CNTN5: variants seen among roughly 807,000 people sequenced by gnomAD.
CNTN5 encodes the protein contactin-5.
In CNTN5, 77 loss-of-function variants were observed where a neutral mutation model predicts 129.1. The ratio of observed to expected loss-of-function variants is 0.60; its 90% CI spans 0.50 to 0.72. The LOEUF (loss-of-function observed/expected upper bound fraction) is 0.72, where lower values mean the gene tolerates loss of function less well. Ranked by LOEUF, CNTN5 falls within the 30% of genes least tolerant of loss-of-function variation. CNTN5 has a pLI of 0.00. For missense variants in CNTN5, 1,478 were observed against 1,328.8 expected (o/e 1.11, Z -1.75); for synonymous variants, 509 against 465.6 (o/e 1.09, Z -1.20).
chr11:99,976,578 G>A (rs558516989), intron 8 of CNTN5, among the ~76,000 whole-genome samples: 3 of 152,276 alleles, frequency 2.0e-5, no homozygotes, highest in South Asian at 2.1e-4. Flanking sequence ...TCAATGCCAC[G>A]TGGAAACCAC....
At chr11:100,143,864 T>G (rs1032726666) in intron 13 of CNTN5, among the ~76,000 whole-genome samples, 1 of 152,092 alleles carries the variant, frequency 6.6e-6, no homozygotes, top group Non-Finnish European at 1.5e-5. Context: ...GTGGTGTGAT[T>G]TGAGCTTTTT....
intron 9 of CNTN5, among the ~76,000 whole-genome samples, chr11:100,007,776 T>G (rs1226871271): frequency 6.6e-6 from 1 of 151,630 alleles, no homozygotes; most frequent in East Asian, 1.9e-4. Flanking sequence ...AATTTTAATT[T>G]CCTTCAAAAA....
intron 2 of CNTN5, among the ~76,000 whole-genome samples, chr11:99,463,454 A>AAC (rs1216553453): frequency 6.6e-6 from 1 of 151,020 alleles, no homozygotes; most frequent in African/African-American, 2.4e-5. Flanking sequence ...AAAAAAAAAA[A>AAC]AAAAACAATA....
At chr11:99,113,688 A>G (rs898155937) in intron 1 of CNTN5, among the ~76,000 whole-genome samples, 3 of 152,138 alleles carry the variant, frequency 2.0e-5, no homozygotes, top group Non-Finnish European at 4.4e-5. Context: ...AAATTTTGCC[A>G]GTGAAGTTGA....
chr11:99,351,461 T>A (rs1294916160), intron 2 of CNTN5, among the ~76,000 whole-genome samples: 67 of 152,236 alleles, frequency 4.4e-4, no homozygotes, highest in Admixed American at 4.4e-3. Context: ...GGTATACAAA[T>A]TCCTCCTTCT....
In CNTN5 at chr11:99,075,909, TA is replaced by T. The variant is rs548743982; in HGVS notation, c.-210+54640del. On this transcript the variant is annotated intron_variant, in intron 1 of 24. Transcript: ENST00000524871. Reference sequence around the variant, plus strand: ...ATTATGACAGACGTTTGAACTAAAATACAAACTCTTGCTATGACTTTATATA... The same window carrying T: ...ATTATGACAGACGTTTGAACTAAAATCAAACTCTTGCTATGACTTTATATA... Among the ~76,000 whole-genome samples the T allele has an allele frequency of 2.8e-4, 43 of 152,332 alleles. 1 individual carries two copies. In the South Asian group the frequency reaches 8.5e-3, roughly 30 times the overall value.
intron 15 of CNTN5, among the ~76,000 whole-genome samples, chr11:100,203,913 C>T (rs1401638251): frequency 1.3e-5 from 2 of 151,408 alleles, no homozygotes; most frequent in African/African-American, 2.4e-5. Flanking sequence ...TACAGCAAAG[C>T]ATAATAATTC....
intron 4 of CNTN5, among the ~76,000 whole-genome samples, chr11:99,842,663 G>GT (rs75451523): frequency 0.02 from 3,079 of 151,676 alleles, 90 homozygotes; most frequent in African/African-American, 0.069. Context: ...ATCAGAAAGG[G>GT]TTTTTTTTCC....
chr11:99,716,916 A>G (rs1394897016), intron 3 of CNTN5, among the ~76,000 whole-genome samples: 1 of 152,092 alleles, frequency 6.6e-6, no homozygotes, highest in East Asian at 1.9e-4. Context: ...GAAAATGTTT[A>G]AGATATAGTT....
At chr11:99,868,463 G>A (rs2135800114) in intron 6 of CNTN5, among the ~76,000 whole-genome samples, 1 of 152,254 alleles carries the variant, frequency 6.6e-6, no homozygotes, top group East Asian at 1.9e-4. Flanking sequence ...ATAGGCTAAG[G>A]CTTGGCCAAG....
chr11:100,144,214 TTTTTA>T (rs770863834), intron 13 of CNTN5, among the ~76,000 whole-genome samples: 77 of 152,096 alleles, frequency 5.1e-4, no homozygotes, highest in Non-Finnish European at 3.4e-4. Flanking sequence ...TAAACAAGTT[TTTTTA>T]TTTTATTTTT....
intron 1 of CNTN5, among the ~76,000 whole-genome samples, chr11:99,063,903 C>T (rs190099411): frequency 3.9e-5 from 6 of 152,176 alleles, no homozygotes; most frequent in Admixed American, 2.6e-4. Context: ...TACACATGTA[C>T]ATGACTAAAT....
intron 16 of CNTN5, among the ~76,000 whole-genome samples, chr11:100,247,461 T>C (rs1288526821): frequency 6.6e-6 from 1 of 152,154 alleles, no homozygotes; most frequent in Non-Finnish European, 1.5e-5. Flanking sequence ...GTCACTTAGA[T>C]TAGATTAGTA....
chr11:99,637,043 T>TAAAAAAAAAAAAAAAAAAAAAA (rs763109822), intron 3 of CNTN5, among the ~76,000 whole-genome samples: 109 of 95,788 alleles, frequency 1.1e-3, no homozygotes, highest in South Asian at 2.9e-3. Flanking sequence ...AAAAAAAAAG[T>TAAAAAAAAAAAAAAAAAAAAAA]AAATGACTCT....
At chr11:99,594,185 A>G (rs564455144) in intron 3 of CNTN5, among the ~76,000 whole-genome samples, 2 of 152,306 alleles carry the variant, frequency 1.3e-5, no homozygotes, top group Admixed American at 6.5e-5. Context: ...GTGAAGAAGC[A>G]TTTTATCCTC....
intron 1 of CNTN5, among the ~76,000 whole-genome samples, chr11:99,086,929 C>G (rs187643394): frequency 5.8e-4 from 89 of 152,236 alleles, no homozygotes; most frequent in African/African-American, 2.1e-3. Flanking sequence ...ATAACAGTAT[C>G]GTGGTGGTAG....
intron 8 of CNTN5, among the ~76,000 whole-genome samples, chr11:99,968,161 T>G (rs560575338): frequency 6.6e-6 from 1 of 152,272 alleles, no homozygotes; most frequent in South Asian, 2.1e-4. Context: ...AAGGCAACAT[T>G]TTCCCATCCG....
intron 13 of CNTN5, among the ~76,000 whole-genome samples, chr11:100,175,210 C>T (rs1947926862): frequency 6.6e-6 from 1 of 152,008 alleles, no homozygotes; most frequent in African/African-American, 2.4e-5. Context: ...AAATTCAGTA[C>T]AAATTTGGGA....
At chr11:99,640,925 T>G (rs1474845096) in intron 3 of CNTN5, among the ~76,000 whole-genome samples, 2 of 152,238 alleles carry the variant, frequency 1.3e-5, no homozygotes, top group Non-Finnish European at 2.9e-5. Flanking sequence ...GGTCTCTTTT[T>G]CATACCTACC....
Sources: allele counts gnomAD v4.1 joint callset (sites outside exome capture counted in the v4.1 genomes callset), GRCh38; gene constraint gnomAD v4.1.1; transcripts MANE v1.5; gene names NCBI Gene and HGNC (gene_info 2026-07-23, HGNC 2026-07-21).